SOS1: variants seen among roughly 807,000 people sequenced by gnomAD.
SOS1 encodes the protein son of sevenless homolog 1.
In SOS1, 25 loss-of-function variants were observed where a neutral mutation model predicts 157.6. The ratio of observed to expected loss-of-function variants is 0.16; its 90% CI spans 0.12 to 0.22. SOS1 has a LOEUF of 0.22. Ranked by LOEUF, SOS1 falls within the 10% of genes least tolerant of loss-of-function variation. The pLI is 1.00. For missense variants in SOS1, 1,237 were observed against 1,599.1 expected, an observed-to-expected ratio of 0.77 and a Z score of 3.86; for synonymous variants, 528 against 534.0, an observed-to-expected ratio of 0.99 and a Z score of 0.16.
In SOS1 at chr2:39,010,574, G is replaced by GA. The variant is rs1669434974; in HGVS notation, c.2510+9dup. 2 of 1,606,712 alleles carry GA rather than the reference G, an allele frequency of 1.2e-6. No homozygotes were observed. The highest frequency in any genetic ancestry group is 2.7e-5 in the African/African-American group (2 of 74,696). On this transcript the variant is annotated intron_variant, in intron 15 of 22. Coordinates refer to ENST00000402219, the MANE Select transcript of SOS1 (RefSeq NM_005633.4). The stretch of plus-strand genomic sequence containing the variant: ...CAGCTATAAAATATAAGAATGCTAG[G>GA]AATACTTACTTCTCAAACCACAGAG...
chr2:39,013,821 C>T (rs746099318), intron 12 of SOS1, 46 bp downstream of exon 12: 9 of 1,563,622 alleles, frequency 5.8e-6, no homozygotes, highest in African/African-American at 5.4e-5. Flanking sequence ...AACATTGAAA[C>T]GAAAGTTTGA....
chr2:39,035,048 A>G (rs1436727200), intron 8 of SOS1, among the ~76,000 whole-genome samples, 164 bp downstream of exon 8: 3 of 152,210 alleles, frequency 2.0e-5, no homozygotes, highest in Admixed American at 6.5e-5. Flanking sequence ...ACGAGAAAAT[A>G]TGCTACTCTT....
rs761863490 is a variant in SOS1 at position 39,054,841 on chromosome 2, T to C, written c.511-18A>G. ...ATCAATACCTATACAGTCAGAGATA[T>C]AAAAAAGTATAATAAAATATGAAGC... On this transcript the variant is annotated intron_variant, in intron 4 of 22. Coordinates refer to ENST00000402219, the MANE Select transcript of SOS1 (RefSeq NM_005633.4). 1.7e-6 allele frequency: 2 copies of C among 1,156,180 alleles called. No individual in the cohort carries two copies. Among genetic ancestry groups the C allele is most frequent in the South Asian group, 1.3e-5 (1 of 79,312 alleles). The allele number at this position is 1,156,180 out of a possible 1,614,324, so 71.6% of individuals were successfully genotyped here.
rs1269467170 is a variant in SOS1 at position 39,097,583 on chromosome 2, G to A, written c.87+22753C>T. Among the ~76,000 whole-genome samples, 3 of 151,216 alleles carry A rather than the reference G, an allele frequency of 2.0e-5. No homozygotes were observed. In the South Asian group the frequency reaches 6.3e-4, roughly 32 times the overall value. On this transcript the variant is annotated intron_variant, in intron 1 of 22. Coordinates refer to ENST00000402219, the MANE Select transcript of SOS1 (RefSeq NM_005633.4). ...TCTTTTTTTTTTTTTATTGAGATGG[G>A]GTCTCGCTCTGTCACCCAGGCTGGA...
intron 1 of SOS1, among the ~76,000 whole-genome samples, chr2:39,119,667 A>G (rs1458072972): frequency 6.6e-6 from 1 of 152,234 alleles, no homozygotes; most frequent in African/African-American, 2.4e-5. Context: ...ATGTAACTTC[A>G]GGTAACAATG....
At position 39,012,366 on chromosome 2, in the gene SOS1, T is replaced by A. The variant is rs1307184989; in HGVS notation, c.2168-18A>T. On this transcript the variant is annotated intron_variant, in intron 13 of 22. Transcript: ENST00000402219. ...TGCTTTACCTGCAATACATTATATT[T>A]TAAATAACATTTAAATATTCTTTAT... is the stretch of plus-strand genomic sequence containing the variant. The A allele has an allele frequency of 8.4e-7, 1 of 1,194,590 alleles. No homozygotes were observed. Among genetic ancestry groups the A allele is most frequent in the Admixed American group, 1.9e-5 (1 of 53,480 alleles). 74.0% of individuals were successfully genotyped at this position (1,194,590 alleles called of 1,614,324 possible).
chr2:39,006,464 C>T lies in SOS1; in HGVS notation c.2739G>A (p.Lys913=), dbSNP rs997339872. ...EAHELSEDHY[K]KYLAKLRSIN... is the part of the protein sequence containing the mutation. ...TAGACCTGAGTTTTGCCAAATATTTCTTATAGTGATCTTCACTCAATTCAT... is the reference window on the plus strand; with the variant it reads ...TAGACCTGAGTTTTGCCAAATATTTTTTATAGTGATCTTCACTCAATTCAT... The change falls in exon 17 of 23, where the codon AAG becomes AAA. Residue 913 remains lysine (K), a synonymous_variant. Coordinates refer to ENST00000402219, the MANE Select transcript of SOS1 (RefSeq NM_005633.4). The T allele has an allele frequency of 9.3e-6, 15 of 1,609,198 alleles. No individual in the cohort carries two copies. The highest frequency in any genetic ancestry group is 1.7e-5 in the Admixed American group (1 of 59,968).
chr2:38,989,040 T>C (rs1194364438), intron 21 of SOS1, among the ~76,000 whole-genome samples: 1 of 151,726 alleles, frequency 6.6e-6, no homozygotes, highest in Non-Finnish European at 1.5e-5. Flanking sequence ...TTATTTAATA[T>C]GTTCTTTTAA....
At chr2:39,023,366 C>CAA (rs1669858001) in intron 9 of SOS1, 141 bp from the exon 10 acceptor site, 4 of 588,814 alleles carry the variant, frequency 6.8e-6, no homozygotes, top group Non-Finnish European at 1.1e-5. Flanking sequence ...ATTAGAATTA[C>CAA]AAAATTACAC....
At chr2:38,991,875 G>A (rs1325704007) in intron 20 of SOS1, among the ~76,000 whole-genome samples, 1 of 152,062 alleles carries the variant, frequency 6.6e-6, no homozygotes, top group East Asian at 1.9e-4. Context: ...GATACTGGCT[G>A]AAATAATTAA....
At chr2:39,007,234 T>G in intron 15 of SOS1, 41 bp from the exon 16 acceptor site, 1 of 1,293,116 alleles carries the variant, frequency 7.7e-7, no homozygotes, top group Non-Finnish European at 1.1e-6. Flanking sequence ...TTTAGAGTTT[T>G]TCCAATAAAG....
intron 22 of SOS1, among the ~76,000 whole-genome samples, chr2:38,986,648 G>A (rs1668568642): frequency 6.6e-6 from 1 of 151,512 alleles, no homozygotes. Flanking sequence ...TTCATTTTTT[G>A]TAGAGTCAAG....
chr2:39,045,248 G>GGGAGAGGGAGAC (rs60254751), intron 6 of SOS1, among the ~76,000 whole-genome samples: 2 of 22,072 alleles, frequency 9.1e-5, no homozygotes, highest in African/African-American at 2.9e-4. Flanking sequence ...GAGAGGGAGA[G>GGGAGAGGGAGAC]AGAGAGAGAG....
rs114259556 is a variant in SOS1, at chr2:39,012,599, A to G, written c.2168-251T>C. Among the ~76,000 whole-genome samples, 971 of 152,260 alleles carry G rather than the reference A, an allele frequency of 6.4e-3. 11 individuals carry two copies. Among genetic ancestry groups the G allele is most frequent in the African/African-American group, 0.022 (931 of 41,564 alleles). On this transcript the variant is annotated intron_variant, in intron 13 of 22. Transcript: ENST00000402219. ...TTCTTCCAGATCCTTTCCAAATAAA[A>G]TTAGAAAGTACTTAATTTGTAGAGA...
chr2:39,115,769 C>A (rs1673627270), intron 1 of SOS1, among the ~76,000 whole-genome samples: 1 of 152,132 alleles, frequency 6.6e-6, no homozygotes, highest in African/African-American at 2.4e-5. Flanking sequence ...GAGTAGTATT[C>A]CACTGTTTGT....
At chr2:39,057,496 A>G (rs1671252232) in intron 3 of SOS1, among the ~76,000 whole-genome samples, 1 of 152,076 alleles carries the variant, frequency 6.6e-6, no homozygotes, top group Non-Finnish European at 1.5e-5. Flanking sequence ...AACAAATTCT[A>G]TTTTCCAAAC....
intron 8 of SOS1, chr2:39,034,788 G>C (rs965403045): frequency 4.4e-5 from 20 of 456,476 alleles, no homozygotes; most frequent in Non-Finnish European, 7.9e-5. Context: ...CATTACTTTG[G>C]CCTTATCCTC....
intron 1 of SOS1, among the ~76,000 whole-genome samples, chr2:39,095,990 T>G (rs1298804890): frequency 6.6e-6 from 1 of 152,258 alleles, no homozygotes; most frequent in African/African-American, 2.4e-5. Flanking sequence ...GTGGAGCTAT[T>G]TGGCTACCCA....
chr2:39,117,174 G>A (rs1673683088), intron 1 of SOS1, among the ~76,000 whole-genome samples: 2 of 151,948 alleles, frequency 1.3e-5, no homozygotes, highest in South Asian at 4.1e-4. Context: ...GATTACAGGT[G>A]CCCACCACCA....
Sources: allele counts gnomAD v4.1 joint callset (sites outside exome capture counted in the v4.1 genomes callset), GRCh38; gene constraint gnomAD v4.1.1; transcripts MANE v1.5; gene names NCBI Gene and HGNC (gene_info 2026-07-23, HGNC 2026-07-21).